SYT17: variants seen among roughly 807,000 people sequenced by gnomAD.
SYT17 encodes the protein synaptotagmin 17, also known as synaptotagmin-17.
SYT17 carries 22 observed loss-of-function variants against 46.7 expected under a neutral mutation model. That is an observed-to-expected ratio of 0.47 (90% CI 0.34 to 0.67). The LOEUF (loss-of-function observed/expected upper bound fraction) is 0.67, where lower values mean the gene tolerates loss of function less well. Ranked by LOEUF, SYT17 falls within the 30% of genes least tolerant of loss-of-function variation. The pLI is 0.01. For missense variants in SYT17, 519 were observed against 612.8 expected (o/e 0.85, Z 1.62); for synonymous variants, 251 against 248.4 (o/e 1.01, Z -0.10).
At chr16:19,225,225 A>G (rs1293865960) in intron 7 of SYT17, among the ~76,000 whole-genome samples, 3 of 152,134 alleles carry the variant, frequency 2.0e-5, no homozygotes, top group Non-Finnish European at 4.4e-5. Context: ...AGTACTCACT[A>G]TGTGTTAGTT....
intron 7 of SYT17, among the ~76,000 whole-genome samples, chr16:19,232,848 A>G (rs988618509): frequency 9.5e-6 from 1 of 105,012 alleles, no homozygotes; most frequent in African/African-American, 2.7e-5. Context: ...ATAAACAAAC[A>G]AACAAACAAA....
intron 7 of SYT17, among the ~76,000 whole-genome samples, chr16:19,235,674 G>A (rs575548723): frequency 2.6e-5 from 4 of 152,188 alleles, no homozygotes; most frequent in Admixed American, 1.3e-4. Context: ...CATGCTCCAC[G>A]AAGTAAGGGT....
At chr16:19,243,425 C>T (rs1967281808) in intron 7 of SYT17, among the ~76,000 whole-genome samples, 4 of 152,132 alleles carry the variant, frequency 2.6e-5, no homozygotes, top group Non-Finnish European at 4.4e-5. Flanking sequence ...CTTTGGATGA[C>T]TTGTGGGTGG....
chr16:19,224,933 G>C, intron 7 of SYT17, 95 bp downstream of exon 7: 2 of 1,425,482 alleles, frequency 1.4e-6, no homozygotes, highest in Non-Finnish European at 1.9e-6. Flanking sequence ...TTACATTTAA[G>C]AACGTAATGT....
intron 7 of SYT17, among the ~76,000 whole-genome samples, chr16:19,246,151 C>A (rs1307504510): frequency 6.6e-6 from 1 of 151,820 alleles, no homozygotes; most frequent in Non-Finnish European, 1.5e-5. Flanking sequence ...ACCAGCAAGC[C>A]CAGCTAATTT....
intron 5 of SYT17, among the ~76,000 whole-genome samples, chr16:19,195,455 C>T (rs1965200052): frequency 6.6e-6 from 1 of 151,414 alleles, no homozygotes. Context: ...GTGGCTCACA[C>T]CTGTAATCCC....
chr16:19,170,613 G>C (rs1964044321), intron 1 of SYT17: 1 of 152,144 alleles, frequency 6.6e-6, no homozygotes, highest in South Asian at 2.1e-4. Context: ...CCTGGGCTTT[G>C]AGAAAGTTGG....
At chr16:19,232,088 T>G (rs889025260) in intron 7 of SYT17, among the ~76,000 whole-genome samples, 1 of 152,156 alleles carries the variant, frequency 6.6e-6, no homozygotes, top group Admixed American at 6.5e-5. Flanking sequence ...AAATTGAGGC[T>G]GACGTCATAC....
At chr16:19,222,413 G>A (rs933969049) in intron 5 of SYT17, among the ~76,000 whole-genome samples, 2 of 152,158 alleles carry the variant, frequency 1.3e-5, no homozygotes, top group Non-Finnish European at 2.9e-5. Flanking sequence ...TGACAGAGCT[G>A]ACATCAAGGG....
At chr16:19,231,772 G>A (rs1407252183) in intron 7 of SYT17, among the ~76,000 whole-genome samples, 2 of 152,126 alleles carry the variant, frequency 1.3e-5, no homozygotes, top group Non-Finnish European at 2.9e-5. Context: ...CTATGTACCT[G>A]GCACCGTGCT....
At chr16:19,249,578 A>G (rs1445844593) in intron 7 of SYT17, among the ~76,000 whole-genome samples, 1 of 152,200 alleles carries the variant, frequency 6.6e-6, no homozygotes, top group African/African-American at 2.4e-5. Flanking sequence ...TAAAAATGAA[A>G]CAAGTGGTTG....
intron 7 of SYT17, chr16:19,250,001 C>T (rs1177421438): frequency 6.5e-7 from 1 of 1,535,836 alleles, no homozygotes; most frequent in Admixed American, 2.0e-5. Context: ...GGTATCAGTC[C>T]TTGGATACCC....
At chr16:19,244,635 C>A (rs1018322809) in intron 7 of SYT17, among the ~76,000 whole-genome samples, 2 of 152,140 alleles carry the variant, frequency 1.3e-5, no homozygotes, top group African/African-American at 4.8e-5. Flanking sequence ...GAGCCTGGAC[C>A]AGAATCTTAC....
chr16:19,255,348 G>T (rs1486032878), intron 7 of SYT17, among the ~76,000 whole-genome samples: 2 of 152,102 alleles, frequency 1.3e-5, no homozygotes, highest in Non-Finnish European at 2.9e-5. Context: ...TCACTGTAGG[G>T]CCTGTCCTGT....
intron 7 of SYT17, among the ~76,000 whole-genome samples, chr16:19,248,890 A>G (rs1967798171): frequency 2.0e-5 from 3 of 151,916 alleles, no homozygotes; most frequent in Admixed American, 2.0e-4. Context: ...ACACATACAC[A>G]TGGCCGAATC....
intron 7 of SYT17, among the ~76,000 whole-genome samples, chr16:19,254,907 C>T (rs376312354): frequency 2.6e-5 from 4 of 152,300 alleles, no homozygotes; most frequent in African/African-American, 9.6e-5. Flanking sequence ...GCTCAATCTC[C>T]ACACTGAGGC....
intron 5 of SYT17, among the ~76,000 whole-genome samples, chr16:19,189,413 T>A (rs1450613768): frequency 2.0e-5 from 3 of 150,172 alleles, no homozygotes; most frequent in Non-Finnish European, 4.4e-5. Flanking sequence ...TAATCATGGC[T>A]CAATGCAGCC....
At position 19,266,969 on chromosome 16, in the gene SYT17, T is replaced by C. The variant is rs1969405273; in HGVS notation, c.1318T>C (p.Trp440Arg). 6.2e-7 allele frequency: 1 copy of C among 1,613,710 alleles called. No individual in the cohort carries two copies. The highest frequency in any genetic ancestry group is 8.5e-7 in the Non-Finnish European group (1 of 1,180,000). ...TTCAGGCCCCTCTGAGACCAACCAC[T>C]GGAGGCGCATGCTCAACACGCACCG... ...YSSGPSETNH[W>R]RRMLNTHRTA... The change falls in exon 8 of 8, where the codon TGG becomes CGG. Residue 440 changes from tryptophan (W) to arginine (R), a missense_variant. Coordinates refer to ENST00000355377, the MANE Select transcript of SYT17 (RefSeq NM_016524.4).
intron 5 of SYT17, among the ~76,000 whole-genome samples, chr16:19,221,826 CAGTT>C (rs1349160147): frequency 1.3e-5 from 2 of 152,024 alleles, no homozygotes; most frequent in Admixed American, 6.6e-5. Context: ...ATAGATGAGA[CAGTT>C]AGATAGATAG....
Sources: gnomAD v4.1 joint callset for allele counts (sites outside exome capture counted in the v4.1 genomes callset) on GRCh38, gnomAD v4.1.1 for gene constraint, MANE v1.5 for transcripts, NCBI Gene and HGNC (gene_info 2026-07-23, HGNC 2026-07-21) for gene names.